Variants in ROBO2 observed in about 807,000 individuals in gnomAD.
The protein encoded by ROBO2 is roundabout homolog 2.
A neutral mutation model predicts 160.8 loss-of-function variants in ROBO2; 53 were observed. The ratio of observed to expected loss-of-function variants is 0.33; its 90% CI spans 0.26 to 0.41. The LOEUF is 0.41. Ranked by LOEUF, ROBO2 falls within the 10% of genes least tolerant of loss-of-function variation. The pLI is 1.00. For synonymous variants in ROBO2, 664 were observed against 611.7 expected, an observed-to-expected ratio of 1.09 and a Z score of -1.26; for missense variants, 1,577 against 1,722.4, an observed-to-expected ratio of 0.92 and a Z score of 1.49.
chr3:76,084,844 C>T (rs1225957147), intron 2 of ROBO2, among the ~76,000 whole-genome samples: 1 of 152,018 alleles, frequency 6.6e-6, no homozygotes, highest in Non-Finnish European at 1.5e-5. Flanking sequence ...TCATCCAATC[C>T]CTGGACCACA....
At chr3:76,333,498 G>T (rs1409039395) in intron 2 of ROBO2, among the ~76,000 whole-genome samples, 2 of 152,122 alleles carry the variant, frequency 1.3e-5, no homozygotes, top group Non-Finnish European at 2.9e-5. Context: ...ATACTCATCA[G>T]ATAATTGCTC....
intron 2 of ROBO2, among the ~76,000 whole-genome samples, chr3:77,336,545 G>A (rs1049956399): frequency 2.6e-5 from 4 of 150,994 alleles, no homozygotes; most frequent in Non-Finnish European, 5.9e-5. Context: ...ATAAATGAAG[G>A]ATGATCCTTT....
chr3:76,787,914 G>A (rs138086300), intron 2 of ROBO2, among the ~76,000 whole-genome samples: 507 of 151,436 alleles, frequency 3.3e-3, no homozygotes, highest in Non-Finnish European at 5.4e-3. Context: ...TTAGTATTAC[G>A]TATATAGAGC....
At chr3:77,407,687 C>T (rs951075141) in intron 2 of ROBO2, among the ~76,000 whole-genome samples, 2 of 152,156 alleles carry the variant, frequency 1.3e-5, no homozygotes, top group East Asian at 1.9e-4. Context: ...TGGCTTGTTG[C>T]CTCCCAGGCT....
intron 2 of ROBO2, among the ~76,000 whole-genome samples, chr3:77,437,060 G>A (rs992851362): frequency 6.6e-6 from 1 of 151,958 alleles, no homozygotes; most frequent in African/African-American, 2.4e-5. Context: ...ATTCATGCAA[G>A]AAAATGTGTT....
intron 2 of ROBO2, among the ~76,000 whole-genome samples, chr3:76,206,849 A>G (rs1459448535): frequency 6.6e-6 from 1 of 152,176 alleles, no homozygotes; most frequent in Non-Finnish European, 1.5e-5. Flanking sequence ...ACAGCTAGGC[A>G]CATCATTAAT....
At chr3:77,412,143 G>T (rs1273698061) in intron 2 of ROBO2, among the ~76,000 whole-genome samples, 2 of 151,844 alleles carry the variant, frequency 1.3e-5, no homozygotes, top group East Asian at 1.9e-4. Context: ...AGTACCCCAG[G>T]CAGTGCTTGC....
At chr3:75,958,639 G>A (rs1948800345) in intron 2 of ROBO2, among the ~76,000 whole-genome samples, 1 of 151,700 alleles carries the variant, frequency 6.6e-6, no homozygotes, top group Non-Finnish European at 1.5e-5. Context: ...AGAGAGCAAG[G>A]AAGTGGTGGG....
chr3:77,202,162 A>G (rs2082971836), intron 2 of ROBO2, among the ~76,000 whole-genome samples: 1 of 152,174 alleles, frequency 6.6e-6, no homozygotes, highest in African/African-American at 2.4e-5. Context: ...GATCAGAGGG[A>G]AGCCATCCAA....
chr3:76,034,513 G>T (rs2067035478), intron 2 of ROBO2, among the ~76,000 whole-genome samples: 1 of 152,190 alleles, frequency 6.6e-6, no homozygotes, highest in African/African-American at 2.4e-5. Flanking sequence ...AAAGTTGAAA[G>T]TATGTTGTTT....
chr3:76,982,459 G>A (rs535169390), intron 2 of ROBO2, among the ~76,000 whole-genome samples: 1 of 152,246 alleles, frequency 6.6e-6, no homozygotes, highest in East Asian at 1.9e-4. Flanking sequence ...TTTCCACACT[G>A]TCTTGATTAG....
At chr3:76,903,238 C>T (rs1042245948) in intron 2 of ROBO2, among the ~76,000 whole-genome samples, 3 of 152,112 alleles carry the variant, frequency 2.0e-5, no homozygotes, top group African/African-American at 7.2e-5. Flanking sequence ...CAATGTTTCT[C>T]TTAACCTGTT....
intron 2 of ROBO2, among the ~76,000 whole-genome samples, chr3:77,189,248 T>C (rs2081585250): frequency 6.6e-6 from 1 of 151,852 alleles, no homozygotes; most frequent in Non-Finnish European, 1.5e-5. Flanking sequence ...TTTAAACTCT[T>C]ACAACTAGGT....
At chr3:77,447,194 C>T (rs1201442861) in intron 2 of ROBO2, among the ~76,000 whole-genome samples, 2 of 152,072 alleles carry the variant, frequency 1.3e-5, no homozygotes, top group African/African-American at 4.8e-5. Context: ...ACAGCCAATG[C>T]TAATAAGTTA....
At chr3:76,589,280 TAAGA>T in intron 2 of ROBO2, among the ~76,000 whole-genome samples, 1 of 152,124 alleles carries the variant, frequency 6.6e-6, no homozygotes, top group Non-Finnish European at 1.5e-5. Context: ...ATGAAAAATA[TAAGA>T]AATAAACACT....
intron 6 of ROBO2, among the ~76,000 whole-genome samples, chr3:77,533,438 GA>G (rs1176396843): frequency 3.9e-5 from 6 of 152,172 alleles, no homozygotes; most frequent in African/African-American, 1.4e-4. Flanking sequence ...CCAAAATCAA[GA>G]TATTGGCCAG....
intron 2 of ROBO2, among the ~76,000 whole-genome samples, chr3:76,875,700 G>C (rs62261842): frequency 0.02 from 3,040 of 152,114 alleles, 38 homozygotes; most frequent in Non-Finnish European, 0.03. Context: ...TGTTGCCTGG[G>C]CTAGAGTGCA....
intron 2 of ROBO2, among the ~76,000 whole-genome samples, chr3:76,242,328 C>T (rs1705339920): frequency 6.6e-6 from 1 of 152,156 alleles, no homozygotes; most frequent in African/African-American, 2.4e-5. Context: ...AGCTCTCCTT[C>T]ACCCTATGGA....
chr3:77,562,773 T>C (rs1330707116), intron 10 of ROBO2, 41 bp downstream of exon 11: 2 of 1,332,404 alleles, frequency 1.5e-6, no homozygotes, highest in Admixed American at 1.7e-5. Context: ...GGGCCCCTTT[T>C]CTGATAGCTC....
Sources: allele counts gnomAD v4.1 joint callset (sites outside exome capture counted in the v4.1 genomes callset), GRCh38; gene constraint gnomAD v4.1.1; transcripts MANE v1.5; gene names NCBI Gene and HGNC (gene_info 2026-07-23, HGNC 2026-07-21).